Variants in IMMP2L observed in about 807,000 individuals in gnomAD.
IMMP2L encodes the protein inner mitochondrial membrane peptidase subunit 2.
IMMP2L carries 18 observed loss-of-function variants against 19.3 expected under a neutral mutation model. That is an observed-to-expected ratio of 0.93 (90% CI 0.64 to 1.38). IMMP2L has a LOEUF of 1.38. Among genes scored for constraint, IMMP2L ranks in the 40% most tolerant of loss-of-function variants. The pLI is 0.00. For synonymous variants in IMMP2L, 76 were observed against 73.0 expected (o/e 1.04, Z -0.21); for missense variants, 233 against 218.2 (o/e 1.07, Z -0.43).
At chr7:111,294,866 G>A (rs1331194220) in intron 3 of IMMP2L, among the ~76,000 whole-genome samples, 1 of 151,864 alleles carries the variant, frequency 6.6e-6, no homozygotes, top group Non-Finnish European at 1.5e-5. Context: ...TCAGAGTGAA[G>A]ATTAGTATGG....
chr7:111,161,878 AC>A (rs1805300439), intron 3 of IMMP2L, among the ~76,000 whole-genome samples: 1 of 152,062 alleles, frequency 6.6e-6, no homozygotes, highest in Admixed American at 6.6e-5. Flanking sequence ...TTTTAAGACA[AC>A]CTGACAAACT....
intron 3 of IMMP2L, among the ~76,000 whole-genome samples, chr7:111,178,403 G>A (rs1294689462): frequency 2.0e-5 from 3 of 152,108 alleles, no homozygotes; most frequent in South Asian, 2.1e-4. Context: ...GACTAATCAC[G>A]GTGATGGATG....
At chr7:110,843,481 A>G (rs1028300600) in intron 5 of IMMP2L, among the ~76,000 whole-genome samples, 4 of 152,168 alleles carry the variant, frequency 2.6e-5, no homozygotes, top group Admixed American at 6.6e-5. Context: ...AGACAGGAAG[A>G]GAAAAATATC....
chr7:111,399,583 G>A (rs1833229506), intron 3 of IMMP2L, among the ~76,000 whole-genome samples: 2 of 151,858 alleles, frequency 1.3e-5, no homozygotes, highest in South Asian at 4.2e-4. Flanking sequence ...TCCAACTCCT[G>A]GTCTCAAGTT....
At chr7:111,388,001 T>TAAAAAAAAAAAAAAAA (rs1831956678) in intron 3 of IMMP2L, among the ~76,000 whole-genome samples, 1 of 122,778 alleles carries the variant, frequency 8.1e-6, no homozygotes, top group African/African-American at 3.3e-5. Context: ...AAAAAAAAAC[T>TAAAAAAAAAAAAAAAA]AAAATACTAA....
intron 1 of IMMP2L, among the ~76,000 whole-genome samples, chr7:111,535,989 C>A (rs1032735132): frequency 6.6e-6 from 1 of 152,056 alleles, no homozygotes; most frequent in Non-Finnish European, 1.5e-5. Flanking sequence ...GAAACATTTT[C>A]TTTGGCCACT....
At chr7:110,780,317 T>C (rs1799649061) in intron 5 of IMMP2L, among the ~76,000 whole-genome samples, 1 of 151,252 alleles carries the variant, frequency 6.6e-6, no homozygotes, top group East Asian at 1.9e-4. Flanking sequence ...AAAAAGGTTT[T>C]TGTGTTAAAA....
chr7:110,736,012 G>A (rs1008538138), intron 5 of IMMP2L, among the ~76,000 whole-genome samples: 9 of 151,926 alleles, frequency 5.9e-5, no homozygotes, highest in Non-Finnish European at 1.2e-4. Flanking sequence ...TTCAAAAAGC[G>A]CTCAGGGGTT....
chr7:111,002,090 T>G (rs1370390412), intron 3 of IMMP2L, among the ~76,000 whole-genome samples: 1 of 151,852 alleles, frequency 6.6e-6, no homozygotes, highest in Non-Finnish European at 1.5e-5. Context: ...TTGACAAGAT[T>G]AACTGAACTT....
intron 3 of IMMP2L, among the ~76,000 whole-genome samples, chr7:111,085,735 T>G (rs1796260567): frequency 6.6e-6 from 1 of 152,134 alleles, no homozygotes; most frequent in Admixed American, 6.5e-5. Context: ...GAAACCAACC[T>G]AAATGCCCAT....
intron 5 of IMMP2L, among the ~76,000 whole-genome samples, chr7:110,754,241 T>C (rs1298891202): frequency 6.6e-6 from 1 of 152,058 alleles, no homozygotes; most frequent in African/African-American, 2.4e-5. Flanking sequence ...TGTGTTTTAC[T>C]GCTATTGTAA....
intron 3 of IMMP2L, among the ~76,000 whole-genome samples, chr7:111,375,956 A>G (rs925875713): frequency 6.6e-6 from 1 of 152,156 alleles, no homozygotes; most frequent in Non-Finnish European, 1.5e-5. Context: ...ACCTAAAAAC[A>G]TATATTACTT....
chr7:111,065,930 G>A lies in IMMP2L; in HGVS notation c.240-102365C>T, dbSNP rs117137432. Among the ~76,000 whole-genome samples the A allele has an allele frequency of 0.012, 1,758 of 151,330 alleles. 45 individuals carry two copies. The East Asian group carries it at 0.13, about 11-fold the overall frequency. On this transcript the variant is annotated intron_variant, in intron 3 of 5. Transcript: ENST00000405709. ...TGTGTGTGTGCGCGCGCGTGTATGC[G>A]CGCGCACGCTTGGTTGGTTGGCTTG...
intron 3 of IMMP2L, among the ~76,000 whole-genome samples, chr7:111,004,922 C>G (rs556448985): frequency 2.6e-5 from 4 of 152,150 alleles, no homozygotes; most frequent in Non-Finnish European, 5.9e-5. Flanking sequence ...AAACTACTCT[C>G]ACTTATCACA....
intron 3 of IMMP2L, among the ~76,000 whole-genome samples, chr7:111,154,224 TA>T (rs2129603889): frequency 6.6e-6 from 1 of 152,292 alleles, no homozygotes; most frequent in African/African-American, 2.4e-5. Flanking sequence ...AAAACTACTT[TA>T]AAGTACCTTT....
chr7:111,124,128 T>C, intron 3 of IMMP2L: 1 of 1,614,036 alleles, frequency 6.2e-7, no homozygotes, highest in Non-Finnish European at 8.5e-7. Context: ...AACCACAGCC[T>C]GAAATCTACT....
At chr7:111,438,163 T>C (rs1837372395) in intron 3 of IMMP2L, among the ~76,000 whole-genome samples, 1 of 150,900 alleles carries the variant, frequency 6.6e-6, no homozygotes, top group African/African-American at 2.4e-5. Context: ...TATGAATGAA[T>C]TATAATAGCA....
At chr7:111,261,896 T>C (rs1221847914) in intron 3 of IMMP2L, among the ~76,000 whole-genome samples, 2 of 151,952 alleles carry the variant, frequency 1.3e-5, no homozygotes, top group African/African-American at 4.8e-5. Context: ...ACCCTGAAGG[T>C]TATGGGGATA....
chr7:110,742,416 A>C (rs1797044499), intron 5 of IMMP2L, among the ~76,000 whole-genome samples: 2 of 152,196 alleles, frequency 1.3e-5, no homozygotes, highest in Non-Finnish European at 2.9e-5. Context: ...AACAGGCAAA[A>C]ATGGTTAAAC....
Sources: allele counts gnomAD v4.1 joint callset (sites outside exome capture counted in the v4.1 genomes callset), GRCh38; gene constraint gnomAD v4.1.1; transcripts MANE v1.5; gene names NCBI Gene and HGNC (gene_info 2026-07-23, HGNC 2026-07-21).